SLC35D2: variants seen among roughly 807,000 people sequenced by gnomAD.
SLC35D2 encodes the protein nucleotide sugar transporter SLC35D2.
Under a neutral mutation model 41.8 loss-of-function variants are expected in SLC35D2, and 43 were observed. The observed-to-expected ratio is 1.03, with a 90% CI of 0.81 to 1.33. SLC35D2 has a LOEUF of 1.33. Among genes scored for constraint, SLC35D2 ranks in the 40% most tolerant of loss-of-function variants. The pLI, the probability that SLC35D2 is intolerant of heterozygous loss-of-function variation, is 0.00. For missense variants in SLC35D2, 380 were observed against 408.4 expected, an observed-to-expected ratio of 0.93 and a Z score of 0.60; for synonymous variants, 150 against 163.9, an observed-to-expected ratio of 0.92 and a Z score of 0.65.
At chr9:96,368,753 C>CAT (rs200797881) in intron 1 of SLC35D2, among the ~76,000 whole-genome samples, 34 of 147,514 alleles carry the variant, frequency 2.3e-4, no homozygotes, top group Admixed American at 4.8e-4. Flanking sequence ...TCTCTCTCTA[C>CAT]ATATATATAT....
At chr9:96,355,775 C>T (rs1003855183) in intron 4 of SLC35D2, among the ~76,000 whole-genome samples, 1 of 152,088 alleles carries the variant, frequency 6.6e-6, no homozygotes, top group Non-Finnish European at 1.5e-5. Context: ...GGATTACAGG[C>T]GTGAGCCACT....
chr9:96,369,487 TAAAC>T (rs1830597668), intron 1 of SLC35D2, among the ~76,000 whole-genome samples: 4 of 152,054 alleles, frequency 2.6e-5, no homozygotes, highest in Admixed American at 1.3e-4. Flanking sequence ...ATCCTGAAGA[TAAAC>T]AAAGTCAGAG....
chr9:96,361,676 C>A (rs1830282591), intron 3 of SLC35D2, among the ~76,000 whole-genome samples: 1 of 151,140 alleles, frequency 6.6e-6, no homozygotes. Flanking sequence ...CAGAGCTAGA[C>A]CCTGTCTCAA....
chr9:96,349,104 T>A (rs1247239874), intron 6 of SLC35D2, among the ~76,000 whole-genome samples: 3 of 152,166 alleles, frequency 2.0e-5, no homozygotes, highest in Non-Finnish European at 4.4e-5. Context: ...GGAAAGCCTT[T>A]GAAGGGCAGC....
chr9:96,366,517 A>ATTTTTTTTTT (rs34820429), intron 2 of SLC35D2, among the ~76,000 whole-genome samples: 1 of 103,610 alleles, frequency 9.7e-6, no homozygotes. Context: ...CTTATCACTG[A>ATTTTTTTTTT]TTTTTTTTTT....
chr9:96,333,726 G>C (rs939275607), intron 9 of SLC35D2, among the ~76,000 whole-genome samples: 4 of 152,140 alleles, frequency 2.6e-5, no homozygotes, highest in Non-Finnish European at 5.9e-5. Flanking sequence ...GCTGACCTCA[G>C]AGGGTCCACT....
chr9:96,376,691 TGGACCCAGGAG>T (rs1212731658), intron 1 of SLC35D2, among the ~76,000 whole-genome samples: 1 of 151,978 alleles, frequency 6.6e-6, no homozygotes, highest in Non-Finnish European at 1.5e-5. Flanking sequence ...GAGAATTGCC[TGGACCCAGGAG>T]GGAGAGGTTG....
At chr9:96,337,800 G>A (rs1042232334) in intron 8 of SLC35D2, among the ~76,000 whole-genome samples, 1 of 151,460 alleles carries the variant, frequency 6.6e-6, no homozygotes, top group Non-Finnish European at 1.5e-5. Context: ...TGGCCAACAT[G>A]GTGAAACCCT....
At chr9:96,349,198 T>A (rs72603672) in intron 6 of SLC35D2, among the ~76,000 whole-genome samples, 17,181 of 152,110 alleles carry the variant, frequency 0.11, 1,423 homozygotes, top group East Asian at 0.27. Flanking sequence ...TTGCTTTCCA[T>A]CCCCCTCTCT....
intron 6 of SLC35D2, 40 bp downstream of exon 6, chr9:96,351,063 C>T (rs1177424026): frequency 9.6e-6 from 14 of 1,465,916 alleles, no homozygotes; most frequent in Non-Finnish European, 1.2e-5. Flanking sequence ...TTGTCAAAGA[C>T]ACAAAGAAGT....
At chr9:96,355,389 C>T (rs1257070020) in intron 4 of SLC35D2, among the ~76,000 whole-genome samples, 1 of 151,460 alleles carries the variant, frequency 6.6e-6, no homozygotes, top group East Asian at 1.9e-4. Context: ...GAGGCTGAGA[C>T]AAGAGGATGG....
chr9:96,340,619 C>CAAAAAA (rs57501812), intron 8 of SLC35D2, among the ~76,000 whole-genome samples: 15 of 35,376 alleles, frequency 4.2e-4, no homozygotes, highest in South Asian at 2.4e-3. Flanking sequence ...GACTCCATCT[C>CAAAAAA]AAAAAAAAAA....
chr9:96,375,390 C>T (rs773204234), intron 1 of SLC35D2, among the ~76,000 whole-genome samples: 1 of 150,602 alleles, frequency 6.6e-6, no homozygotes, highest in African/African-American at 2.4e-5. Context: ...CCAGACTGGC[C>T]AACATGATGA....
chr9:96,383,342 ACT>A, intron 1 of SLC35D2, 133 bp downstream of exon 1: 1 of 539,506 alleles, frequency 1.9e-6, no homozygotes, highest in Non-Finnish European at 3.0e-6. Context: ...CGCCTGGGAA[ACT>A]CGACCAATGT....
At position 96,364,470 on chromosome 9, in the gene SLC35D2, A is replaced by C. The variant is rs1442539168; in HGVS notation, c.273T>G (p.Pro91=). 2 of 1,552,068 alleles carry C rather than the reference A, an allele frequency of 1.3e-6. No individual in the cohort carries two copies. The part of the protein sequence containing the change: ...IHFPDFDKKI[P]VKLFPLPLLY... ...CATACTTTTCATTACTTACCTTTACAGGAATTTTCTTATCAAAATCAGGGA... is the reference window on the plus strand; with the variant it reads ...CATACTTTTCATTACTTACCTTTACCGGAATTTTCTTATCAAAATCAGGGA... Residue 91 remains proline (P), a synonymous_variant, in exon 3 of 12, where the codon CCT becomes CCG. Transcript: ENST00000253270.
chr9:96,344,556 A>ACAGAG (rs1829484325), intron 7 of SLC35D2, among the ~76,000 whole-genome samples: 4 of 119,838 alleles, frequency 3.3e-5, no homozygotes, highest in African/African-American at 1.5e-4. Context: ...AAAAAAAAAA[A>ACAGAG]CAGAGCAGAT....
chr9:96,375,172 A>G (rs1235953659), intron 1 of SLC35D2, among the ~76,000 whole-genome samples: 3 of 151,296 alleles, frequency 2.0e-5, no homozygotes, highest in Admixed American at 2.0e-4. Context: ...TTGTATTTTT[A>G]GTAGCGATAG....
chr9:96,360,695 A>G (rs1229311070), intron 3 of SLC35D2, among the ~76,000 whole-genome samples: 1 of 151,824 alleles, frequency 6.6e-6, no homozygotes, highest in East Asian at 1.9e-4. Context: ...GGAAATGCAA[A>G]CTAAAGCCCA....
intron 1 of SLC35D2, among the ~76,000 whole-genome samples, chr9:96,373,317 C>T (rs79625318): frequency 0.018 from 2,716 of 152,288 alleles, 70 homozygotes; most frequent in African/African-American, 0.061. Flanking sequence ...AATATTATTT[C>T]TGCAAACAAT....
Sources: gnomAD v4.1 joint callset for allele counts (sites outside exome capture counted in the v4.1 genomes callset) on GRCh38, gnomAD v4.1.1 for gene constraint, MANE v1.5 for transcripts, NCBI Gene and HGNC (gene_info 2026-07-23, HGNC 2026-07-21) for gene names.